The following PLCH2 variants were observed in gnomAD, a reference collection of about 807,000 sequenced individuals.
PLCH2 encodes 1-phosphatidylinositol 4,5-bisphosphate phosphodiesterase eta-2.
A neutral mutation model predicts 134.7 loss-of-function variants in PLCH2; 98 were observed. The observed-to-expected ratio is 0.73, with a 90% confidence interval of 0.62 to 0.86. PLCH2 has a LOEUF of 0.86. PLCH2 is among the 40% of genes least tolerant of loss of function. The probability of loss-of-function intolerance (pLI) is 0.00; values close to 1 mark genes in which losing one functional copy is unlikely to be tolerated. For synonymous variants in PLCH2, 974 were observed against 827.5 expected (o/e 1.18, Z -3.04); for missense variants, 1,994 against 1,986.6 (o/e 1.00, Z -0.07).
intron 2 of PLCH2, among the ~76,000 whole-genome samples, chr1:2,438,252 G>C (rs1639526437): frequency 6.6e-6 from 1 of 152,250 alleles, no homozygotes; most frequent in Non-Finnish European, 1.5e-5. Context: ...CCCTGTGCAG[G>C]CGACAGTTGG....
chr1:2,499,579 A>AGAGCAGGTGGGGGCCC lies in PLCH2; in HGVS notation c.2582-61_2582-46dup, dbSNP rs566858570. On this transcript the variant is annotated intron_variant, in intron 19 of 21. Coordinates refer to ENST00000378486, the MANE Select transcript of PLCH2 (RefSeq NM_014638.4). ...GGGACCTTTAAGTAGAATGGGGGGC[A>AGAGCAGGTGGGGGCCC]GAGCAGGTGGGGGCCCTGGGAGGCT... 2.9e-4 allele frequency: 358 copies of AGAGCAGGTGGGGGCCC among 1,238,540 alleles called. No homozygotes were observed. The African/African-American group carries it at 4.2e-3, about 14-fold the overall frequency. The allele number at this position is 1,238,540 out of a possible 1,614,324, so 76.7% of individuals were successfully genotyped here. A position where few individuals can be genotyped will look rare whatever the true frequency, so the allele number is the denominator to read the frequency against.
intron 1 of PLCH2, 144 bp from the exon 2 acceptor site, chr1:2,478,332 G>A (rs571026861): frequency 3.5e-5 from 35 of 997,628 alleles, no homozygotes; most frequent in Non-Finnish European, 4.9e-5. Flanking sequence ...TGTGGGCGGG[G>A]CCGGGCGAGG....
upstream of PLCH2, among the ~76,000 whole-genome samples, chr1:2,471,801 A>C (rs1431496850): frequency 6.6e-6 from 1 of 152,066 alleles, no homozygotes; most frequent in Non-Finnish European, 1.5e-5. Flanking sequence ...GGAGCCACCC[A>C]AGGGGGCAGA....
chr1:2,446,812 A>T (rs529776144), intron 2 of PLCH2, among the ~76,000 whole-genome samples: 2 of 152,188 alleles, frequency 1.3e-5, no homozygotes, highest in East Asian at 1.9e-4. Flanking sequence ...CAGGAATGTG[A>T]TCATCCCTTC....
chr1:2,421,819 C>G (rs1385651158), upstream of PLCH2, among the ~76,000 whole-genome samples: 2 of 150,750 alleles, frequency 1.3e-5, no homozygotes, highest in Non-Finnish European at 3.0e-5. Flanking sequence ...ACTAAAAATA[C>G]AAAAATTAGC....
chr1:2,477,569 G>C (rs574291552), intron 1 of PLCH2, among the ~76,000 whole-genome samples: 1 of 152,170 alleles, frequency 6.6e-6, no homozygotes, highest in Non-Finnish European at 1.5e-5. Context: ...TGCAGGAACC[G>C]AGGGGGTGAG....
chr1:2,444,231 C>T lies in PLCH2; in HGVS notation c.115+13602C>T, dbSNP rs972222702. Among the ~76,000 whole-genome samples the T allele has an allele frequency of 3.3e-5, 5 of 152,206 alleles. No individual in the cohort carries two copies. The highest frequency in any genetic ancestry group is 5.9e-5 in the Non-Finnish European group (4 of 68,030). ...GGCCGCCCCTCGGCAAACTTTCCTT[C>T]CCCGGGCTTCTGCGGAGGTCGCACT... On this transcript the variant is annotated intron_variant, in intron 2 of 3. Coordinates refer to the PLCH2 transcript ENST00000609981. The surrounding 1 kb of genome is among the most constrained non-coding windows in gnomAD (Gnocchi z 4.6).
intron 1 of PLCH2, chr1:2,426,130 C>T (rs982181167): frequency 6.6e-6 from 1 of 152,268 alleles, no homozygotes; most frequent in South Asian, 2.1e-4. Flanking sequence ...TGGTGAAGGA[C>T]ACTGTATCTG....
chr1:2,484,691 G>T (rs1642198393), intron 5 of PLCH2, 73 bp downstream of exon 5: 1 of 1,529,832 alleles, frequency 6.5e-7, no homozygotes, highest in Non-Finnish European at 8.9e-7. Flanking sequence ...TTGAGCTTCA[G>T]TCAGGGGACA....
At chr1:2,503,037 G>C (rs1467141944) in intron 21 of PLCH2, 8 of 712,604 alleles carry the variant, frequency 1.1e-5, no homozygotes, top group Non-Finnish European at 2.1e-5. Context: ...CTGTATCCGT[G>C]GCACTGTCTC....
upstream of PLCH2, among the ~76,000 whole-genome samples, chr1:2,475,468 G>T (rs1259197339): frequency 5.9e-5 from 9 of 152,234 alleles, no homozygotes; most frequent in East Asian, 5.8e-4. Context: ...TGGTGTCCCG[G>T]CCTGGACTTG....
upstream of PLCH2, among the ~76,000 whole-genome samples, chr1:2,463,122 A>C (rs2100594837): frequency 6.6e-6 from 1 of 152,244 alleles, no homozygotes; most frequent in Non-Finnish European, 1.5e-5. Context: ...TCTGAGAGGT[A>C]ATTAGGACGT....
chr1:2,440,369 C>A (rs1433651020), intron 2 of PLCH2, among the ~76,000 whole-genome samples: 2 of 152,144 alleles, frequency 1.3e-5, no homozygotes, highest in Non-Finnish European at 2.9e-5. Context: ...GGTGCCTCCA[C>A]ACAGTCTGCC....
chr1:2,436,140 A>C (rs372373859), intron 2 of PLCH2, among the ~76,000 whole-genome samples: 617 of 31,140 alleles, frequency 0.02, 2 homozygotes, highest in African/African-American at 0.036. Context: ...CTGCTCCCTC[A>C]TCCCTTCCTC....
Position 2,496,984 on chromosome 1 carries a change from C to T in PLCH2, c.2090C>T (p.Pro697Leu). ...GACTCCAGCAACTACAACCCGCAGC[C>T]CTTCTGGAACGCCGGCTGCCAAATG... ...RVDSSNYNPQ[P>L]FWNAGCQMVA... The change falls in exon 15 of 22, where the codon CCC becomes CTC. Residue 697 changes from proline (P) to leucine (L), a missense_variant. Transcript: ENST00000378486. The T allele has an allele frequency of 1.9e-6, 3 of 1,613,272 alleles. No individual in the cohort carries two copies. The highest frequency in any genetic ancestry group is 1.7e-6 in the Non-Finnish European group (2 of 1,179,786).
At chr1:2,436,541 C>CTCCACCTTTCCTCCCT (rs1553238952) in intron 2 of PLCH2, among the ~76,000 whole-genome samples, 1 of 27,366 alleles carries the variant, frequency 3.7e-5, no homozygotes, top group Admixed American at 4.1e-4. Context: ...TCCTTCCTCC[C>CTCCACCTTTCCTCCCT]TCCTCCCTTC....
chr1:2,436,099 C>T (rs1452974099), intron 2 of PLCH2, among the ~76,000 whole-genome samples: 4 of 123,672 alleles, frequency 3.2e-5, no homozygotes, highest in Admixed American at 2.3e-4. Flanking sequence ...CCCCTCCTCT[C>T]TTCCTTCCTC....
chr1:2,505,011 C>T lies in PLCH2; in HGVS notation c.4049C>T (p.Ala1350Val). 1.3e-6 allele frequency: 2 copies of T among 1,542,884 alleles called. No homozygotes were observed. The highest frequency in any genetic ancestry group is 8.7e-7 in the Non-Finnish European group (1 of 1,150,456). The change falls in exon 22 of 22, where the codon GCC becomes GTC. Residue 1350 changes from alanine to valine, a missense_variant. By Grantham distance (64) the Ala-to-Val change is moderately conservative (BLOSUM62 0). Around this residue, in one of 2 missense-constraint regions of PLCH2, gnomAD observed 900 missense variants for 752.3 expected, o/e 1.20. Coordinates refer to ENST00000378486, the MANE Select transcript of PLCH2 (RefSeq NM_014638.4). ...AGCCACAGCCGCGTGCGTGCCATTG[C>T]CAGCCGGGCCCGCCAGGCCCAGGAG... Reference protein sequence around the residue: ...SRSHSRVRAIASRARQAQERQ... With the variant: ...SRSHSRVRAIVSRARQAQERQ...
intron 20 of PLCH2, 130 bp downstream of exon 20, chr1:2,499,850 G>A (rs568740269): frequency 4.0e-4 from 286 of 722,582 alleles, no homozygotes; most frequent in Non-Finnish European, 5.8e-4. Flanking sequence ...CCCTCCCCGG[G>A]CCTCTGCTCC....
Sources: allele counts gnomAD v4.1 joint callset (sites outside exome capture counted in the v4.1 genomes callset), GRCh38; gene constraint gnomAD v4.1.1; regional missense constraint gnomAD v4.1.1; non-coding constraint Gnocchi (gnomAD v3.1); transcripts MANE v1.5; gene names NCBI Gene and HGNC (gene_info 2026-07-23, HGNC 2026-07-21).